CHST11: variants seen among roughly 807,000 people sequenced by gnomAD.
The protein encoded by CHST11 is carbohydrate sulfotransferase 11.
A neutral mutation model predicts 30.4 loss-of-function variants in CHST11; 9 were observed. The observed-to-expected ratio is 0.30, with a 90% confidence interval of 0.18 to 0.52. CHST11 has a LOEUF of 0.52. Ranked by LOEUF, CHST11 falls within the 20% of genes least tolerant of loss-of-function variation. The pLI, the probability that CHST11 is intolerant of heterozygous loss-of-function variation, is 0.97. For synonymous variants in CHST11, 152 were observed against 187.8 expected, an observed-to-expected ratio of 0.81 and a Z score of 1.56; for missense variants, 348 against 460.6, an observed-to-expected ratio of 0.76 and a Z score of 2.24.
intron 1 of CHST11, among the ~76,000 whole-genome samples, chr12:104,544,769 T>TCCCCCCCCCC (rs199741884): frequency 2.1e-4 from 11 of 51,432 alleles, no homozygotes; most frequent in Non-Finnish European, 3.1e-4. Flanking sequence ...GGGGTCACAG[T>TCCCCCCCCCC]CCCCCCACCC....
intron 2 of CHST11, among the ~76,000 whole-genome samples, chr12:104,737,787 AG>A (rs1235939954): frequency 6.6e-6 from 1 of 152,126 alleles, no homozygotes; most frequent in African/African-American, 2.4e-5. Context: ...TTTTGCAGGG[AG>A]GGCCTGGCCT....
intron 2 of CHST11, among the ~76,000 whole-genome samples, chr12:104,647,614 A>G (rs1281440395): frequency 1.3e-5 from 2 of 152,220 alleles, no homozygotes; most frequent in Non-Finnish European, 2.9e-5. Flanking sequence ...TTTGCTAAAT[A>G]TCGTTTCAAA....
intron 1 of CHST11, among the ~76,000 whole-genome samples, chr12:104,556,637 G>A (rs2038458079): frequency 6.6e-6 from 1 of 152,174 alleles, no homozygotes; most frequent in African/African-American, 2.4e-5. Context: ...TGCCCTGTGT[G>A]TTCTGTCTTC....
chr12:104,645,653 C>G (rs546780396), intron 2 of CHST11, among the ~76,000 whole-genome samples: 9 of 147,832 alleles, frequency 6.1e-5, no homozygotes, highest in African/African-American at 9.9e-5. Flanking sequence ...GTCCTTCCCC[C>G]CCACCCTCCC....
chr12:104,591,623 T>A (rs2038859297), intron 1 of CHST11: 1 of 152,770 alleles, frequency 6.5e-6, no homozygotes. Context: ...ACCCTCAAAT[T>A]GAACTTAAAG....
At chr12:104,504,425 G>C (rs2178667) in intron 1 of CHST11, among the ~76,000 whole-genome samples, 121 of 152,360 alleles carry the variant, frequency 7.9e-4, no homozygotes, top group African/African-American at 2.7e-3. Flanking sequence ...TTTCTTCGAT[G>C]TCACCTCAGT....
At chr12:104,640,271 G>A (rs115921104) in intron 2 of CHST11, among the ~76,000 whole-genome samples, 2,401 of 152,248 alleles carry the variant, frequency 0.016, 57 homozygotes, top group African/African-American at 0.054. Flanking sequence ...ACAAAAATCT[G>A]CACACAAATG....
At chr12:104,568,648 A>G (rs1012030865) in intron 1 of CHST11, among the ~76,000 whole-genome samples, 5 of 152,200 alleles carry the variant, frequency 3.3e-5, no homozygotes, top group South Asian at 2.1e-4. Flanking sequence ...ACTATTATCT[A>G]TAATGTGGCT....
At chr12:104,465,408 G>T (rs373543180) in intron 1 of CHST11, among the ~76,000 whole-genome samples, 41 of 152,316 alleles carry the variant, frequency 2.7e-4, no homozygotes, top group Non-Finnish European at 5.3e-4. Context: ...GAACCTGGAA[G>T]TTCATCTAGA....
At chr12:104,647,860 G>A (rs1001606775) in intron 2 of CHST11, among the ~76,000 whole-genome samples, 1 of 152,162 alleles carries the variant, frequency 6.6e-6, no homozygotes, top group African/African-American at 2.4e-5. Context: ...CTTTCAAGGT[G>A]GTGCCCTCAC....
intron 1 of CHST11, among the ~76,000 whole-genome samples, chr12:104,500,443 G>A (rs2037841898): frequency 6.6e-6 from 1 of 152,190 alleles, no homozygotes; most frequent in Non-Finnish European, 1.5e-5. Context: ...AAGGATACTA[G>A]AAATGAACGA....
At chr12:104,750,428 C>CCTTTTTTTTTTTTTTTTTTTTTTTTT (rs1420945578) in intron 2 of CHST11, among the ~76,000 whole-genome samples, 1 of 48,828 alleles carries the variant, frequency 2.0e-5, no homozygotes, top group African/African-American at 8.1e-5. Flanking sequence ...TATTTCTGCA[C>CCTTTTTTTTTTTTTTTTTTTTTTTTT]TTTTTTTTTT....
intron 1 of CHST11, among the ~76,000 whole-genome samples, chr12:104,574,335 A>G (rs1006529514): frequency 6.6e-6 from 1 of 152,160 alleles, no homozygotes; most frequent in Non-Finnish European, 1.5e-5. Flanking sequence ...TAGAAATACC[A>G]TTTGACCCAG....
chr12:104,485,727 T>G (rs2037670795), intron 1 of CHST11, among the ~76,000 whole-genome samples: 1 of 152,196 alleles, frequency 6.6e-6, no homozygotes. Flanking sequence ...CCAAAGCAAC[T>G]TTAACATTCA....
chr12:104,755,624 A>G (rs1320731428), intron 2 of CHST11, among the ~76,000 whole-genome samples: 1 of 152,128 alleles, frequency 6.6e-6, no homozygotes, highest in African/African-American at 2.4e-5. Flanking sequence ...CGTCTCTACT[A>G]AAAATACAAA....
At chr12:104,576,242 G>A (rs1052497012) in intron 1 of CHST11, among the ~76,000 whole-genome samples, 10 of 152,190 alleles carry the variant, frequency 6.6e-5, no homozygotes, top group African/African-American at 1.9e-4. Context: ...CTTTCAAGAT[G>A]TGGAAGCTGA....
intron 2 of CHST11, among the ~76,000 whole-genome samples, chr12:104,629,449 C>T (rs1420708114): frequency 6.6e-6 from 1 of 152,190 alleles, no homozygotes; most frequent in Non-Finnish European, 1.5e-5. Context: ...GAAGGTTAAG[C>T]CCTCTTTAAA....
At chr12:104,608,093 G>A (rs2039024398) in intron 2 of CHST11, among the ~76,000 whole-genome samples, 1 of 152,092 alleles carries the variant, frequency 6.6e-6, no homozygotes, top group Admixed American at 6.6e-5. Flanking sequence ...TCTGGGTTAG[G>A]GCTGGGGTGT....
chr12:104,591,214 C>T (rs1025102642), intron 1 of CHST11, among the ~76,000 whole-genome samples: 2 of 152,044 alleles, frequency 1.3e-5, no homozygotes, highest in Admixed American at 6.5e-5. Context: ...GCCTCTGGGC[C>T]GTGGAAAGAC....
Sources: gnomAD v4.1 joint callset for allele counts (sites outside exome capture counted in the v4.1 genomes callset) on GRCh38, gnomAD v4.1.1 for gene constraint, MANE v1.5 for transcripts, NCBI Gene and HGNC (gene_info 2026-07-23, HGNC 2026-07-21) for gene names.